PLAAT5: variants seen among roughly 807,000 people sequenced by gnomAD.
The protein encoded by PLAAT5 is Ca(2+)-independent N-acyltransferase.
Under a neutral mutation model 27.8 loss-of-function variants are expected in PLAAT5, and 27 were observed. That is an observed-to-expected ratio of 0.97 (90% CI 0.72 to 1.34). The LOEUF (loss-of-function observed/expected upper bound fraction) is 1.34. Among genes scored for constraint, PLAAT5 ranks in the 40% most tolerant of loss-of-function variants. PLAAT5 has a pLI of 0.00. For synonymous variants in PLAAT5, 125 were observed against 136.1 expected (o/e 0.92, Z 0.57); for missense variants, 368 against 343.8 (o/e 1.07, Z -0.56).
At position 63,462,876 on chromosome 11, in the gene PLAAT5, C is replaced by T. The variant is rs564534852; in HGVS notation, c.*627G>A. 6.6e-6 allele frequency: 1 copy of T among 151,984 alleles called. No individual in the cohort carries two copies. The highest frequency in any genetic ancestry group is 1.5e-5 in the Non-Finnish European group (1 of 68,030). 9.4% of individuals were successfully genotyped at this position (151,984 alleles called of 1,614,324 possible). ...AAGATAAATTGTCTTATCGATGATA[C>T]TTTTGATAGAAGATTTTTAAACAAT... On this transcript the variant is annotated 3_prime_UTR_variant, in exon 6 of 6. Coordinates refer to ENST00000540857, the MANE Select transcript of PLAAT5 (RefSeq NM_001146729.2).
At chr11:63,487,599 T>C (rs940654472) in intron 3 of PLAAT5, among the ~76,000 whole-genome samples, 8 of 152,160 alleles carry the variant, frequency 5.3e-5, no homozygotes, top group African/African-American at 1.7e-4. Flanking sequence ...GTAAATTAAA[T>C]ATACATCTAC....
intron 3 of PLAAT5, among the ~76,000 whole-genome samples, chr11:63,483,842 T>TATATAC (rs1345938456): frequency 9.6e-5 from 9 of 94,002 alleles, no homozygotes; most frequent in Non-Finnish European, 1.6e-4. Context: ...TATATATATA[T>TATATAC]ACACATATAT....
rs559404747 is a variant in PLAAT5, at chr11:63,466,214, G to C, written c.613C>G (p.Arg205Gly). The change falls in exon 5 of 6, where the codon CGT becomes GGT. Residue 205 changes from arginine to glycine, a missense_variant. By Grantham distance (125) the Arg-to-Gly change is moderately radical. Transcript: ENST00000540857. The stretch of plus-strand genomic sequence containing the variant: ...ATCTTGTTGACCATCTTTTTTGTAC[G>C]CTGGATGATCTTGTCCACCGGCAAG... ...LPLPVDKIIQ[R>G]TKKMVNKIVQ... 4.3e-5 allele frequency: 69 copies of C among 1,614,066 alleles called. No individual in the cohort carries two copies. In the East Asian group the frequency reaches 1.5e-3, roughly 35 times the overall value.
Position 63,491,109 on chromosome 11 carries a change from C to T in PLAAT5, c.-75G>A, listed in dbSNP as rs2016561806. 2 of 1,251,592 alleles carry T rather than the reference C, an allele frequency of 1.6e-6. No individual in the cohort carries two copies. Among genetic ancestry groups the T allele is most frequent in the South Asian group, 2.1e-5 (1 of 48,010 alleles). 77.5% of individuals were successfully genotyped at this position (1,251,592 alleles called of 1,614,324 possible). A position where few individuals can be genotyped will look rare whatever the true frequency, so the allele number is the denominator to read the frequency against. On this transcript the variant is annotated 5_prime_UTR_variant, in exon 1 of 6. Transcript: ENST00000540857. ...CCTGGCGAGTTCCCAGTCGGCGCGG[C>T]CCCTGGTCGGCGGAGCCGCGGAAGC...
At chr11:63,490,215 A>G (rs1317286378) in intron 2 of PLAAT5, 28 bp downstream of exon 2, 3 of 1,613,916 alleles carry the variant, frequency 1.9e-6, no homozygotes. Context: ...TCTTCCACCC[A>G]AAGACCCCAA....
intron 3 of PLAAT5, among the ~76,000 whole-genome samples, chr11:63,481,283 T>TAGTGAG (rs2016278369): frequency 5.3e-5 from 8 of 151,992 alleles, no homozygotes; most frequent in Admixed American, 5.2e-4. Context: ...CTACTAAAAC[T>TAGTGAG]ACAAAAATTA....
At chr11:63,490,497 G>C in intron 1 of PLAAT5, 164 bp from the exon 2 acceptor site, 1 of 1,106,444 alleles carries the variant, frequency 9.0e-7, no homozygotes, top group Non-Finnish European at 1.3e-6. Context: ...TGTGGAACTA[G>C]GTGCTGGAGC....
intron 3 of PLAAT5, among the ~76,000 whole-genome samples, chr11:63,479,650 T>A (rs981958592): frequency 6.6e-6 from 1 of 152,160 alleles, no homozygotes; most frequent in African/African-American, 2.4e-5. Context: ...CTGAGGCCAT[T>A]TCTGCTATTA....
intron 3 of PLAAT5, among the ~76,000 whole-genome samples, chr11:63,476,791 T>G (rs2016162239): frequency 6.6e-6 from 1 of 152,140 alleles, no homozygotes; most frequent in Non-Finnish European, 1.5e-5. Context: ...TTATCATCTC[T>G]CTTTCTGGGA....
At chr11:63,483,787 A>G (rs1365345927) in intron 3 of PLAAT5, among the ~76,000 whole-genome samples, 1 of 72,778 alleles carries the variant, frequency 1.4e-5, no homozygotes, top group Non-Finnish European at 2.3e-5. Flanking sequence ...AAAAAAAAAT[A>G]TATATATATA....
intron 3 of PLAAT5, among the ~76,000 whole-genome samples, chr11:63,473,706 G>GTTT (rs201090137): frequency 7.6e-5 from 9 of 117,682 alleles, no homozygotes; most frequent in African/African-American, 2.7e-4. Context: ...TTTTTTTGTT[G>GTTT]TTTTTTTTTT....
In PLAAT5 at chr11:63,491,024, C is replaced by G. The variant is rs1377118730; in HGVS notation, c.11G>C (p.Ser4Thr). 1 of 1,485,420 alleles carries G rather than the reference C, an allele frequency of 6.7e-7. No homozygotes were observed. The highest frequency in any genetic ancestry group is 1.3e-5 in the South Asian group (1 of 74,446). The allele number at this position is 1,485,420 out of a possible 1,614,324, so 92.0% of individuals were successfully genotyped here. A position where few individuals can be genotyped will look rare whatever the true frequency, so the allele number is the denominator to read the frequency against. ...CGCGTACTCCCCCTCGGCGCCCGGG[C>G]TCAGGCCCATCCCGCCTCTGCGGCC... MGLSPGAEGEYALR... is the reference protein window; with the variant it reads MGLTPGAEGEYALR... Residue 4 changes from serine (S) to threonine (T), a missense_variant, in exon 1 of 6, where the codon AGC becomes ACC. Coordinates refer to ENST00000540857, the MANE Select transcript of PLAAT5 (RefSeq NM_001146729.2).
At position 63,462,252 on chromosome 11, in the gene PLAAT5, G is replaced by A. The variant is rs891805388; in HGVS notation, c.*1251C>T. 5 of 152,320 alleles carry A rather than the reference G, an allele frequency of 3.3e-5. No individual in the cohort carries two copies. The highest frequency in any genetic ancestry group is 1.2e-4 in the African/African-American group (5 of 41,560). 9.4% of individuals were successfully genotyped at this position (152,320 alleles called of 1,614,324 possible). ...CTAGACCATATAATGAATAGAGACTGAAGGAAGAGGTATTGGGAACTCAAC... is the reference window on the plus strand; with the variant it reads ...CTAGACCATATAATGAATAGAGACTAAAGGAAGAGGTATTGGGAACTCAAC... On this transcript the variant is annotated 3_prime_UTR_variant, in exon 6 of 6. Coordinates refer to ENST00000540857, the MANE Select transcript of PLAAT5 (RefSeq NM_001146729.2).
In PLAAT5 at chr11:63,463,300, C is replaced by G; in HGVS notation, c.*203G>C. 1.7e-6 allele frequency: 1 copy of G among 599,856 alleles called. No homozygotes were observed. The highest frequency in any genetic ancestry group is 3.0e-6 in the Non-Finnish European group (1 of 333,632). The allele number at this position is 599,856 out of a possible 1,614,324, so 37.2% of individuals were successfully genotyped here. On this transcript the variant is annotated 3_prime_UTR_variant, in exon 6 of 6. Transcript: ENST00000540857. ...CGCATAAGAGATACACACTAGATAC[C>G]AGATCCTTCCCATCCTGAGAGTCTG...
chr11:63,483,795 ATATATG>A lies in PLAAT5; in HGVS notation c.345+5070_345+5075del, dbSNP rs1217158099. On this transcript the variant is annotated intron_variant, in intron 3 of 5. Coordinates refer to ENST00000540857, the MANE Select transcript of PLAAT5 (RefSeq NM_001146729.2). ...TGAAGCAAAAAAAAAATATATATATATATATGTATATATATATATATATATATATAT... is the reference window on the plus strand; with the variant it reads ...TGAAGCAAAAAAAAAATATATATATATATATATATATATATATATATATAT... Among the ~76,000 whole-genome samples the A allele has an allele frequency of 6.8e-5, 4 of 58,532 alleles. No homozygotes were observed. In the African/African-American group the frequency reaches 7.1e-4, roughly 10 times the overall value. 38.4% of individuals were successfully genotyped at this position (58,532 alleles called of 152,430 possible). A position where few individuals can be genotyped will look rare whatever the true frequency, so the allele number is the denominator to read the frequency against.
rs1026194112 is a variant in PLAAT5 at position 63,490,643 on chromosome 11, C to T, written c.148+244G>A. 7.5e-5 allele frequency: 46 copies of T among 611,122 alleles called. No individual in the cohort carries two copies. In the African/African-American group the frequency reaches 7.9e-4, roughly 11 times the overall value. 37.9% of individuals were successfully genotyped at this position (611,122 alleles called of 1,614,324 possible). ...TGCCGAGCCAGAGCCGGTCTTAACA[C>T]CACCCTCCGGAGCTGCCACCACTGC... On this transcript the variant is annotated intron_variant, in intron 1 of 5. Transcript: ENST00000540857.
chr11:63,463,340 T>C lies in PLAAT5; in HGVS notation c.*163A>G, dbSNP rs2015766143. On this transcript the variant is annotated 3_prime_UTR_variant, in exon 6 of 6. Coordinates refer to ENST00000540857, the MANE Select transcript of PLAAT5 (RefSeq NM_001146729.2). ...CTGAGAGTCTGTGGGTCTATGCTCG[T>C]ATATATTGGATGTATTTCTGGAAGG... is the stretch of plus-strand genomic sequence containing the variant. 3.0e-6 allele frequency: 2 copies of C among 673,230 alleles called. No homozygotes were observed. The highest frequency in any genetic ancestry group is 5.4e-6 in the Non-Finnish European group (2 of 371,430). The allele number at this position is 673,230 out of a possible 1,614,324, so 41.7% of individuals were successfully genotyped here.
At chr11:63,480,564 G>T (rs755408207) in intron 3 of PLAAT5, among the ~76,000 whole-genome samples, 1 of 152,120 alleles carries the variant, frequency 6.6e-6, no homozygotes, top group Non-Finnish European at 1.5e-5. Context: ...ACTGTAAATC[G>T]ATTATATTGA....
In PLAAT5 at chr11:63,466,223, T is replaced by A; in HGVS notation, c.604A>T (p.Ile202Phe). The A allele has an allele frequency of 6.2e-7, 1 of 1,614,122 alleles. No homozygotes were observed. The highest frequency in any genetic ancestry group is 1.1e-5 in the South Asian group (1 of 91,082). ...GTYLPLPVDKIIQRTKKMVNK... is the reference protein window; with the variant it reads ...GTYLPLPVDKFIQRTKKMVNK... ...ACCATCTTTTTTGTACGCTGGATGATCTTGTCCACCGGCAAGGGCAGGTAC... is the reference window on the plus strand; with the variant it reads ...ACCATCTTTTTTGTACGCTGGATGAACTTGTCCACCGGCAAGGGCAGGTAC... The change falls in exon 5 of 6, where the codon ATC becomes TTC. Residue 202 changes from isoleucine to phenylalanine, a missense_variant. Coordinates refer to ENST00000540857, the MANE Select transcript of PLAAT5 (RefSeq NM_001146729.2).
Sources: gnomAD v4.1 joint callset for allele counts (sites outside exome capture counted in the v4.1 genomes callset) on GRCh38, gnomAD v4.1.1 for gene constraint, MANE v1.5 for transcripts, NCBI Gene and HGNC (gene_info 2026-07-23, HGNC 2026-07-21) for gene names.